Variants in ADGRL1 observed in about 807,000 individuals in gnomAD.
ADGRL1 encodes adhesion G protein-coupled receptor L1.
In ADGRL1, 31 loss-of-function variants were observed where a neutral mutation model predicts 148.9. That is an observed-to-expected ratio of 0.21 (90% CI 0.16 to 0.28). The LOEUF (loss-of-function observed/expected upper bound fraction) is 0.28, where lower values mean the gene tolerates loss of function less well. ADGRL1 is among the 10% of genes least tolerant of loss of function. ADGRL1 has a pLI of 1.00. For missense variants in ADGRL1, 1,521 were observed against 2,058.8 expected (o/e 0.74, Z 5.05); for synonymous variants, 937 against 900.3 (o/e 1.04, Z -0.73).
intron 22 of ADGRL1, 135 bp from the exon 23 acceptor site, chr19:14,151,750 G>A: frequency 2.5e-6 from 2 of 804,064 alleles, no homozygotes; most frequent in South Asian, 1.7e-5. Context: ...CTGCCCCCTG[G>A]ATCTCTGATC....
intron 4 of ADGRL1, chr19:14,167,175 C>T (rs1970053178): frequency 2.7e-6 from 2 of 747,652 alleles, no homozygotes; most frequent in South Asian, 1.6e-5. Flanking sequence ...GCTCCTGCTT[C>T]CCCAACCCCT....
rs1396245792 is a variant in ADGRL1, at chr19:14,148,495, GGCCAGCTCCTC to G, written c.*2367_*2377del. On this transcript the variant is annotated 3_prime_UTR_variant, in exon 23 of 23. Coordinates refer to ENST00000361434, the MANE Select transcript of ADGRL1 (RefSeq NM_014921.5). ...ACAGGCTGGGCTGCTTCCCGGGACA[GGCCAGCTCCTC>G]GCCTGCTCATGCCTCCTGCCCGCTC... The G allele has an allele frequency of 1.3e-5, 2 of 152,670 alleles. No homozygotes were observed. The highest frequency in any genetic ancestry group is 4.8e-5 in the African/African-American group (2 of 41,436). The allele number at this position is 152,670 out of a possible 1,614,324, so 9.5% of individuals were successfully genotyped here.
intron 1 of ADGRL1, among the ~76,000 whole-genome samples, chr19:14,205,535 C>T (rs1972936356): frequency 6.6e-6 from 1 of 151,946 alleles, no homozygotes; most frequent in South Asian, 2.1e-4. Context: ...GCGCGGCGCG[C>T]ACACGCACCC....
At chr19:14,171,480 T>C (rs1023093514) in intron 3 of ADGRL1, among the ~76,000 whole-genome samples, 1 of 152,160 alleles carries the variant, frequency 6.6e-6, no homozygotes, top group Non-Finnish European at 1.5e-5. Flanking sequence ...TCTCTTTCAT[T>C]GTGAGTGTAG....
intron 1 of ADGRL1, among the ~76,000 whole-genome samples, chr19:14,191,679 A>G (rs1363560958): frequency 6.7e-6 from 1 of 149,452 alleles, no homozygotes; most frequent in Admixed American, 6.7e-5. Context: ...AGGGAGACAG[A>G]TCCCTGCTGT....
At position 14,157,061 on chromosome 19, in the gene ADGRL1, A is replaced by G; in HGVS notation, c.2830T>C (p.Tyr944His). The G allele has an allele frequency of 6.2e-7, 1 of 1,614,078 alleles. No homozygotes were observed. Among genetic ancestry groups the G allele is most frequent in the Non-Finnish European group, 8.5e-7 (1 of 1,179,966 alleles). Residue 944 changes from tyrosine to histidine, a missense_variant, in exon 15 of 23, where the codon TAC becomes CAC. Around this residue, in one of 8 missense-constraint regions of ADGRL1, gnomAD observed 26 missense variants for 75.0 expected, o/e 0.35. Transcript: ENST00000361434. The surrounding 1 kb of genome is among the most constrained non-coding windows in gnomAD (Gnocchi z 7.5). ...TCAAACACCTCCACTAGTAGCAGGT[A>G]GAGGTGCACGCCCTCCAGGCACAGC... ...SWLCLEGVHLYLLLVEVFESE... is the reference protein window; with the variant it reads ...SWLCLEGVHLHLLLVEVFESE...
chr19:14,191,698 T>G, intron 1 of ADGRL1, among the ~76,000 whole-genome samples: 1 of 111,116 alleles, frequency 9.0e-6, no homozygotes, highest in Admixed American at 9.3e-5. Flanking sequence ...GTCTCTCTCT[T>G]TTTTTTTTTT....
In ADGRL1 at chr19:14,159,534, G is replaced by C; in HGVS notation, c.1890C>G (p.Ser630=). Residue 630 remains serine, a synonymous_variant, in exon 10 of 23, where the codon TCC becomes TCG. Transcript: ENST00000361434. This position sits in a 1 kb window ranked among gnomAD's most constrained non-coding sequence, Gnocchi z 6.0. ...DNLLRPEALE[S]WKDMNATEQV... is the part of the protein sequence containing the mutation. ...GCTCCGTGGCATTCATGTCCTTCCA[G>C]GACTCCAGAGCTTCTGGCCGGAGCA... The C allele has an allele frequency of 2.5e-6, 4 of 1,610,334 alleles. No homozygotes were observed. The highest frequency in any genetic ancestry group is 3.4e-6 in the Non-Finnish European group (4 of 1,177,380).
chr19:14,194,090 A>G (rs1972111410), intron 1 of ADGRL1, among the ~76,000 whole-genome samples: 1 of 152,142 alleles, frequency 6.6e-6, no homozygotes, highest in African/African-American at 2.4e-5. Context: ...AACAAATATA[A>G]AAAAGTAGCT....
In ADGRL1 at chr19:14,162,364, C is replaced by CAG. The variant is rs1237653686; in HGVS notation, c.1195+240_1195+241dup. ...CAAATAACTTAATCCCCTACCCACA[C>CAG]AGAGCCTCAGTGTCATCTGTAAAAC... On this transcript the variant is annotated intron_variant, in intron 5 of 22. Coordinates refer to ENST00000361434, the MANE Select transcript of ADGRL1 (RefSeq NM_014921.5). This position sits in a 1 kb window ranked among gnomAD's most constrained non-coding sequence, Gnocchi z 5.4. Among the ~76,000 whole-genome samples, 1 of 152,220 alleles carries CAG rather than the reference C, an allele frequency of 6.6e-6. No homozygotes were observed. The highest frequency in any genetic ancestry group is 1.5e-5 in the Non-Finnish European group (1 of 68,044).
chr19:14,157,536 C>T lies in ADGRL1; in HGVS notation c.2536-76G>A, dbSNP rs1030329790. On this transcript the variant is annotated intron_variant, in intron 13 of 22. Transcript: ENST00000361434. The surrounding 1 kb of genome is among the most constrained non-coding windows in gnomAD (Gnocchi z 7.5). ...GGCTCAGCCAGGTGCCAGCCACAGA[C>T]AGGGCCCTGGGCAAGGCCATGGGCC... 5 of 1,475,178 alleles carry T rather than the reference C, an allele frequency of 3.4e-6. No individual in the cohort carries two copies. In the South Asian group the frequency reaches 4.6e-5, roughly 14 times the overall value. 91.4% of individuals were successfully genotyped at this position (1,475,178 alleles called of 1,614,324 possible).
In ADGRL1 at chr19:14,157,845, G is replaced by T. The variant is rs755062751; in HGVS notation, c.2535+37C>A. On this transcript the variant is annotated intron_variant, in intron 13 of 22. Coordinates refer to ENST00000361434, the MANE Select transcript of ADGRL1 (RefSeq NM_014921.5). The surrounding 1 kb of genome is among the most constrained non-coding windows in gnomAD (Gnocchi z 7.5). ...GCCATGCAAAGCCAGGCCAGCAATC[G>T]GGCCTGCCTGGAGGAGCAGAGCACC... The T allele has an allele frequency of 6.2e-7, 1 of 1,607,088 alleles. No individual in the cohort carries two copies. Among genetic ancestry groups the T allele is most frequent in the African/African-American group, 1.3e-5 (1 of 74,786 alleles).
chr19:14,168,798 G>A (rs1483182836), intron 4 of ADGRL1: 1 of 152,194 alleles, frequency 6.6e-6, no homozygotes, highest in Non-Finnish European at 1.5e-5. Context: ...ATTGACAAGA[G>A]GCATTACAAG....
At chr19:14,167,925 C>T (rs1045539361) in intron 4 of ADGRL1, among the ~76,000 whole-genome samples, 2 of 152,056 alleles carry the variant, frequency 1.3e-5, no homozygotes, top group South Asian at 4.1e-4. Context: ...CGCTGCCCTG[C>T]GGACGGGCGG....
In ADGRL1 at chr19:14,161,283, C is replaced by A. The variant is rs773616742; in HGVS notation, c.1510+29G>T. 2 of 1,521,966 alleles carry A rather than the reference C, an allele frequency of 1.3e-6. No homozygotes were observed. Among genetic ancestry groups the A allele is most frequent in the East Asian group, 4.7e-5 (2 of 42,178 alleles). The allele number at this position is 1,521,966 out of a possible 1,614,324, so 94.3% of individuals were successfully genotyped here. ...AGCTGCTGGGGGCATGGCCCCCATC[C>A]CTCCCCTGGCTGCAGCCTCTGTACT... On this transcript the variant is annotated intron_variant, in intron 6 of 22. Transcript: ENST00000361434. The surrounding 1 kb of genome is among the most constrained non-coding windows in gnomAD (Gnocchi z 4.4).
intron 1 of ADGRL1, among the ~76,000 whole-genome samples, chr19:14,199,427 T>G (rs114335934): frequency 0.014 from 2,094 of 145,058 alleles, 46 homozygotes; most frequent in African/African-American, 0.047. Flanking sequence ...GTGTGTGTGT[T>G]TTTTTTTTTA....
chr19:14,159,103 C>T lies in ADGRL1; in HGVS notation c.2136G>A (p.Gln712=). ...SIQLSAKTIK[Q]NSRNGVVKVV... ...GGGGACACTGACCATTGCGGCTGTT[C>T]TGCTTGATGGTTTTGGCAGACAGCT... The change falls in exon 11 of 23, where the codon CAG becomes CAA. Residue 712 remains glutamine, a synonymous_variant. Coordinates refer to ENST00000361434, the MANE Select transcript of ADGRL1 (RefSeq NM_014921.5). This position sits in a 1 kb window ranked among gnomAD's most constrained non-coding sequence, Gnocchi z 6.0. 6.2e-7 allele frequency: 1 copy of T among 1,614,066 alleles called. No homozygotes were observed. Among genetic ancestry groups the T allele is most frequent in the Non-Finnish European group, 8.5e-7 (1 of 1,180,030 alleles).
chr19:14,156,282 G>T, intron 16 of ADGRL1, 81 bp from the exon 17 acceptor site: 1 of 1,147,622 alleles, frequency 8.7e-7, no homozygotes, highest in South Asian at 1.3e-5. Flanking sequence ...GCCCAGCCTG[G>T]CGAAATCTCA....
intron 2 of ADGRL1, among the ~76,000 whole-genome samples, chr19:14,182,775 T>C (rs985816567): frequency 7.2e-5 from 11 of 152,012 alleles, no homozygotes; most frequent in Non-Finnish European, 1.3e-4. Flanking sequence ...AGGAGTGAGG[T>C]TGCTGGCCAG....
Sources: gnomAD v4.1 joint callset for allele counts (sites outside exome capture counted in the v4.1 genomes callset) on GRCh38, gnomAD v4.1.1 for gene constraint, gnomAD v4.1.1 regional missense constraint, Gnocchi (gnomAD v3.1) non-coding constraint, MANE v1.5 for transcripts, NCBI Gene and HGNC (gene_info 2026-07-23, HGNC 2026-07-21) for gene names.